KLF12: variants seen among roughly 807,000 people sequenced by gnomAD.
KLF12 encodes the protein KLF transcription factor 12.
A neutral mutation model predicts 37.8 loss-of-function variants in KLF12; 9 were observed. The observed-to-expected ratio is 0.24, with a 90% confidence interval of 0.14 to 0.42. The LOEUF is 0.42. Among genes scored for constraint, KLF12 ranks in the 10% least tolerant of loss-of-function variants. The probability of loss-of-function intolerance (pLI) is 1.00; values close to 1 mark genes in which losing one functional copy is unlikely to be tolerated. For missense variants in KLF12, 411 were observed against 516.0 expected, an observed-to-expected ratio of 0.80 and a Z score of 1.97; for synonymous variants, 208 against 202.1, an observed-to-expected ratio of 1.03 and a Z score of -0.25.
rs966899565 is a variant in KLF12 at position 73,873,403 on chromosome 13, G to A, written c.124-27030C>T. ...ATCACTAGACTGATTTTAAAGAGACGGTAATTCTCAAAATCTGGTTCATCA... is the reference window on the plus strand; with the variant it reads ...ATCACTAGACTGATTTTAAAGAGACAGTAATTCTCAAAATCTGGTTCATCA... On this transcript the variant is annotated intron_variant, in intron 3 of 7. Coordinates refer to ENST00000377669, the MANE Select transcript of KLF12 (RefSeq NM_007249.5). Among the ~76,000 whole-genome samples, 9 of 152,162 alleles carry A rather than the reference G, an allele frequency of 5.9e-5. 1 individual carries two copies. The East Asian group carries it at 1.5e-3, about 26-fold the overall frequency.
intron 7 of KLF12, among the ~76,000 whole-genome samples, chr13:73,708,827 A>C (rs1052048523): frequency 3.9e-5 from 6 of 152,206 alleles, no homozygotes; most frequent in Admixed American, 1.3e-4. Context: ...TATTAATTTA[A>C]ATGGCAATGC....
intron 1 of KLF12, among the ~76,000 whole-genome samples, chr13:74,083,541 A>ACACACACACAC (rs1566204110): frequency 8.0e-6 from 1 of 124,940 alleles, no homozygotes; most frequent in African/African-American, 3.2e-5. Flanking sequence ...CACACACACA[A>ACACACACACAC]ACATTTAATA....
the KLF12 span, among the ~76,000 whole-genome samples, chr13:74,289,929 T>G: frequency 6.6e-6 from 1 of 152,182 alleles, no homozygotes; most frequent in African/African-American, 2.4e-5. Context: ...AGTTAAAAAC[T>G]TGAGTGGGCT....
chr13:73,987,775 G>A (rs1447901535), intron 2 of KLF12, among the ~76,000 whole-genome samples: 2 of 120,098 alleles, frequency 1.7e-5, no homozygotes, highest in East Asian at 2.7e-4. Flanking sequence ...AATTGGAGAG[G>A]GGAGAGAAGA....
intron 1 of KLF12, among the ~76,000 whole-genome samples, chr13:74,071,382 A>C (rs940799572): frequency 6.6e-6 from 1 of 152,170 alleles, no homozygotes; most frequent in Non-Finnish European, 1.5e-5. Context: ...TTAAAACTTC[A>C]TCAAGTTTTA....
chr13:73,993,597 G>GTA (rs752629387), intron 2 of KLF12, among the ~76,000 whole-genome samples: 1 of 152,128 alleles, frequency 6.6e-6, no homozygotes, highest in Non-Finnish European at 1.5e-5. Flanking sequence ...TGCATGATAG[G>GTA]TAAAGAACAT....
intron 1 of KLF12, among the ~76,000 whole-genome samples, chr13:74,091,831 A>T (rs1875681221): frequency 6.6e-6 from 1 of 152,172 alleles, no homozygotes; most frequent in Admixed American, 6.5e-5. Flanking sequence ...GTGATAATAC[A>T]TCAATGTAGA....
intron 1 of KLF12, among the ~76,000 whole-genome samples, chr13:73,995,477 GC>G (rs1353439866): frequency 1.3e-5 from 2 of 152,142 alleles, no homozygotes; most frequent in East Asian, 3.8e-4. Flanking sequence ...ATTATTCTTA[GC>G]AACTGAGAGA....
chr13:73,813,400 C>T (rs1196553837), intron 4 of KLF12, 113 bp from the exon 5 acceptor site: 2 of 1,127,670 alleles, frequency 1.8e-6, no homozygotes, highest in Non-Finnish European at 2.6e-6. Flanking sequence ...ATGGAATTCT[C>T]TAGACATCAC....
chr13:74,151,413 G>A, the KLF12 span, among the ~76,000 whole-genome samples: 1 of 152,190 alleles, frequency 6.6e-6, no homozygotes, highest in Non-Finnish European at 1.5e-5. Context: ...CACTTAGGGA[G>A]CCCGAGGTGG....
chr13:74,125,678 T>G (rs2139002361), intron 1 of KLF12, among the ~76,000 whole-genome samples: 1 of 152,326 alleles, frequency 6.6e-6, no homozygotes, highest in South Asian at 2.1e-4. Context: ...ATTTTTTGGA[T>G]AAGGTATCAT....
intron 1 of KLF12, among the ~76,000 whole-genome samples, chr13:74,012,174 G>T (rs1016104298): frequency 6.6e-6 from 1 of 152,214 alleles, no homozygotes; most frequent in Admixed American, 6.5e-5. Context: ...TGTGCAGAAT[G>T]TATTTGATGC....
chr13:73,912,341 A>C (rs1237983885), intron 3 of KLF12, among the ~76,000 whole-genome samples: 1 of 152,160 alleles, frequency 6.6e-6, no homozygotes, highest in African/African-American at 2.4e-5. Context: ...CCAAAATGAT[A>C]TGTTGAAGTC....
chr13:73,750,755 G>A (rs1232910095), intron 6 of KLF12, among the ~76,000 whole-genome samples: 1 of 152,086 alleles, frequency 6.6e-6, no homozygotes, highest in Non-Finnish European at 1.5e-5. Flanking sequence ...CGCCCAGAAT[G>A]CATTAGCTAT....
chr13:73,716,070 T>C (rs1224602896), intron 6 of KLF12, among the ~76,000 whole-genome samples: 5 of 152,206 alleles, frequency 3.3e-5, no homozygotes, highest in Non-Finnish European at 7.3e-5. Context: ...CTATTTCTGT[T>C]TGGTGAAACG....
At chr13:73,917,143 T>C (rs966593589) in intron 3 of KLF12, among the ~76,000 whole-genome samples, 8 of 152,190 alleles carry the variant, frequency 5.3e-5, no homozygotes, top group African/African-American at 1.9e-4. Flanking sequence ...AGTGTCTGAT[T>C]GGCCCTGCCT....
At chr13:73,714,068 CTT>C (rs1875608851) in intron 7 of KLF12, among the ~76,000 whole-genome samples, 1 of 152,132 alleles carries the variant, frequency 6.6e-6, no homozygotes, top group Admixed American at 6.6e-5. Context: ...AAGGAACTGA[CTT>C]AAAAATAGAG....
At chr13:73,819,009 T>C (rs1318652679) in intron 4 of KLF12, among the ~76,000 whole-genome samples, 1 of 152,136 alleles carries the variant, frequency 6.6e-6, no homozygotes, top group Non-Finnish European at 1.5e-5. Flanking sequence ...GAAAAATGAA[T>C]GTTTGGGGAG....
chr13:74,227,453 A>C, the KLF12 span, among the ~76,000 whole-genome samples: 1 of 152,136 alleles, frequency 6.6e-6, no homozygotes. Flanking sequence ...ATAGTAGATA[A>C]ATTTTCTACG....
Sources: gnomAD v4.1 joint callset for allele counts (sites outside exome capture counted in the v4.1 genomes callset) on GRCh38, gnomAD v4.1.1 for gene constraint, MANE v1.5 for transcripts, NCBI Gene and HGNC (gene_info 2026-07-23, HGNC 2026-07-21) for gene names.